The following FER variants were observed in gnomAD, a reference collection of about 807,000 sequenced individuals.
FER encodes the protein tyrosine-protein kinase Fer.
FER carries 63 observed loss-of-function variants against 111.0 expected under a neutral mutation model. The observed-to-expected ratio is 0.57, with a 90% CI of 0.46 to 0.70. The LOEUF (loss-of-function observed/expected upper bound fraction) is 0.70, where lower values mean the gene tolerates loss of function less well. FER is among the 30% of genes least tolerant of loss of function. FER has a pLI of 0.00. For missense variants in FER, 914 were observed against 954.0 expected (o/e 0.96, Z 0.55); for synonymous variants, 327 against 313.9 (o/e 1.04, Z -0.44).
intron 16 of FER, among the ~76,000 whole-genome samples, chr5:109,060,772 GTATA>G (rs57784433): frequency 3.7e-5 from 5 of 133,588 alleles, no homozygotes; most frequent in South Asian, 2.6e-4. Context: ...GTGTGTGTGT[GTATA>G]TATATATATA....
At chr5:109,013,142 A>T (rs1172287234) in intron 13 of FER, among the ~76,000 whole-genome samples, 6 of 151,012 alleles carry the variant, frequency 4.0e-5, no homozygotes, top group Admixed American at 3.3e-4. Flanking sequence ...GGTTAGTTAC[A>T]TATGTATACA....
chr5:108,940,571 G>A (rs1385325025), intron 10 of FER, among the ~76,000 whole-genome samples: 2 of 152,032 alleles, frequency 1.3e-5, no homozygotes, highest in Non-Finnish European at 2.9e-5. Context: ...TTCATCCTCG[G>A]TGGAACTGTA....
At chr5:109,031,033 T>G (rs981444775) in intron 13 of FER, among the ~76,000 whole-genome samples, 1 of 152,106 alleles carries the variant, frequency 6.6e-6, no homozygotes, top group Non-Finnish European at 1.5e-5. Flanking sequence ...AAAGCAGTCT[T>G]AGGCCAGCTG....
At chr5:109,186,794 G>A (rs951071458) in intron 19 of FER, among the ~76,000 whole-genome samples, 2 of 152,192 alleles carry the variant, frequency 1.3e-5, no homozygotes, top group Non-Finnish European at 2.9e-5. Context: ...AGGCTTGCAT[G>A]CACTTGTGTA....
intron 9 of FER, among the ~76,000 whole-genome samples, chr5:108,893,457 A>G (rs1050805801): frequency 6.6e-6 from 1 of 151,886 alleles, no homozygotes; most frequent in Non-Finnish European, 1.5e-5. Context: ...TTTACATTTA[A>G]ATCTACGTTA....
At chr5:109,119,295 C>G (rs1048191922) in intron 17 of FER, among the ~76,000 whole-genome samples, 1 of 152,122 alleles carries the variant, frequency 6.6e-6, no homozygotes, top group African/African-American at 2.4e-5. Context: ...GCAGGTTGTT[C>G]AGTTTCCATG....
intron 3 of FER, among the ~76,000 whole-genome samples, chr5:108,814,925 A>C (rs774952618): frequency 6.6e-6 from 1 of 152,140 alleles, no homozygotes; most frequent in African/African-American, 2.4e-5. Flanking sequence ...ATGGAGACCT[A>C]GGTAGCTATC....
At chr5:109,147,780 C>CATATATATAT (rs145167406) in intron 17 of FER, among the ~76,000 whole-genome samples, 1 of 140,088 alleles carries the variant, frequency 7.1e-6, no homozygotes, top group Non-Finnish European at 1.6e-5. Flanking sequence ...CACACACATA[C>CATATATATAT]ATATATATAT....
intron 13 of FER, chr5:109,014,939 A>G (rs1050961982): frequency 6.6e-6 from 1 of 152,098 alleles, no homozygotes; most frequent in African/African-American, 2.4e-5. Context: ...TGAAGCGAGC[A>G]CTATGTTTGC....
intron 17 of FER, among the ~76,000 whole-genome samples, chr5:109,165,950 G>C (rs891339762): frequency 1.3e-5 from 2 of 152,022 alleles, no homozygotes; most frequent in Admixed American, 1.3e-4. Context: ...AGTTATGGCA[G>C]GACCACAAGG....
Position 108,916,642 on chromosome 5 carries a change from T to C in FER, c.1236+18794T>C, listed in dbSNP as rs147030032. 8.5e-3 allele frequency among the ~76,000 whole-genome samples: 1,287 copies of C among 152,282 alleles called. 7 individuals are homozygous for C. The highest frequency in any genetic ancestry group is 0.014 in the Non-Finnish European group (972 of 67,984). On this transcript the variant is annotated intron_variant, in intron 10 of 19. Coordinates refer to ENST00000281092, the MANE Select transcript of FER (RefSeq NM_005246.4). ...CAGATAGCTGTATTTTTTGATATAG[T>C]GAACCTTTTCCAATTTTATTACTTA... is the stretch of plus-strand genomic sequence containing the variant.
Position 109,187,727 on chromosome 5 carries a change from C to A in FER, c.*152C>A. 1.9e-6 allele frequency: 2 copies of A among 1,029,472 alleles called. No individual in the cohort carries two copies. The highest frequency in any genetic ancestry group is 1.6e-5 in the South Asian group (1 of 60,640). The allele number at this position is 1,029,472 out of a possible 1,614,324, so 63.8% of individuals were successfully genotyped here. Reference sequence around the variant, plus strand: ...CTGGGTGTTTTAAAAGTACGTTCCACTTGTAAAAAGTCAAAGGCAAATTTG... The same window carrying A: ...CTGGGTGTTTTAAAAGTACGTTCCAATTGTAAAAAGTCAAAGGCAAATTTG... On this transcript the variant is annotated 3_prime_UTR_variant, in exon 20 of 20. Transcript: ENST00000281092.
chr5:109,094,403 A>G (rs997999654), intron 16 of FER, among the ~76,000 whole-genome samples: 37 of 152,124 alleles, frequency 2.4e-4, no homozygotes, highest in Admixed American at 2.4e-3. Context: ...CCAACATGAT[A>G]CTCAAAGGAA....
chr5:109,009,593 A>AC (rs1765979123), intron 13 of FER, among the ~76,000 whole-genome samples: 1 of 152,198 alleles, frequency 6.6e-6, no homozygotes, highest in Non-Finnish European at 1.5e-5. Flanking sequence ...TATAGAATCT[A>AC]CCTTCTCCCT....
intron 10 of FER, among the ~76,000 whole-genome samples, chr5:108,936,027 A>T (rs1007671566): frequency 1.3e-5 from 2 of 152,092 alleles, no homozygotes; most frequent in African/African-American, 4.8e-5. Flanking sequence ...GGCAGTCAAC[A>T]TAGCATAATG....
chr5:108,889,417 G>T (rs551668583), intron 9 of FER, among the ~76,000 whole-genome samples: 1 of 151,974 alleles, frequency 6.6e-6, no homozygotes, highest in East Asian at 1.9e-4. Context: ...GGCACTGGAG[G>T]TCATTATGTT....
intron 13 of FER, among the ~76,000 whole-genome samples, chr5:109,023,953 T>C (rs527908355): frequency 1.3e-5 from 2 of 152,300 alleles, no homozygotes; most frequent in African/African-American, 4.8e-5. Context: ...GCACTTATTA[T>C]ATGTTAGGCA....
intron 10 of FER, among the ~76,000 whole-genome samples, chr5:108,906,206 A>T (rs1423840840): frequency 6.6e-6 from 1 of 152,210 alleles, no homozygotes; most frequent in Non-Finnish European, 1.5e-5. Context: ...CACTTAGTAA[A>T]CTAGTATTGT....
In FER at chr5:108,980,859, T is replaced by C. The variant is rs181850359; in HGVS notation, c.1656+21512T>C. Among the ~76,000 whole-genome samples the C allele has an allele frequency of 5.3e-5, 8 of 152,302 alleles. No homozygotes were observed. The East Asian group carries it at 1.2e-3, about 22-fold the overall frequency. On this transcript the variant is annotated intron_variant, in intron 13 of 19. Coordinates refer to ENST00000281092, the MANE Select transcript of FER (RefSeq NM_005246.4). Reference sequence around the variant, plus strand: ...AAACAAGTGTTTTGTTGGACAGATATAACATTCAACTTATAATTCAGATTT... The same window carrying C: ...AAACAAGTGTTTTGTTGGACAGATACAACATTCAACTTATAATTCAGATTT...
Sources: allele counts gnomAD v4.1 joint callset (sites outside exome capture counted in the v4.1 genomes callset), GRCh38; gene constraint gnomAD v4.1.1; transcripts MANE v1.5; gene names NCBI Gene and HGNC (gene_info 2026-07-23, HGNC 2026-07-21).